ADPRS: variants seen among roughly 807,000 people sequenced by gnomAD.
ADPRS encodes ADP-ribosylhydrolase ARH3.
ADPRS carries 25 observed loss-of-function variants against 32.1 expected under a neutral mutation model. The observed-to-expected ratio is 0.78, with a 90% confidence interval of 0.57 to 1.09. The LOEUF (loss-of-function observed/expected upper bound fraction) is 1.09. ADPRS is among the 50% of genes least tolerant of loss of function. The pLI is 0.00. For missense variants in ADPRS, 482 were observed against 480.6 expected, an observed-to-expected ratio of 1.00 and a Z score of -0.03; for synonymous variants, 225 against 201.0, an observed-to-expected ratio of 1.12 and a Z score of -1.01.
At position 36,091,735 on chromosome 1, in the gene ADPRS, G is replaced by GT. The variant is rs1557733612; in HGVS notation, c.429dup (p.Asn144Ter). 2 of 1,613,788 alleles carry GT rather than the reference G, an allele frequency of 1.2e-6. No individual in the cohort carries two copies. Among genetic ancestry groups the GT allele is most frequent in the Non-Finnish European group, 1.7e-6 (2 of 1,179,868 alleles). On this transcript the variant is annotated frameshift_variant, in exon 3 of 6. Coordinates refer to ENST00000373178, the MANE Select transcript of ADPRS (RefSeq NM_017825.3). LOFTEE classifies it high-confidence loss of function. ...ATGTCTTTGAGCCTGCCCGGGCCCA[G>GT]TTTAACGGGAAAGGCTCCTATGGCA...
rs888263504 is a variant in ADPRS, at chr1:36,089,639, T to A, written c.211+524T>A. ...GCAAGGCGTGCTTTGGAAGCCTGAC[T>A]CTAATCGCGTCCTCCCCTGCCTAAA... On this transcript the variant is annotated intron_variant, in intron 1 of 5. Transcript: ENST00000373178. Among the ~76,000 whole-genome samples, 12 of 151,928 alleles carry A rather than the reference T, an allele frequency of 7.9e-5. No homozygotes were observed. In the Middle Eastern group the frequency reaches 0.01, roughly 129 times the overall value.
Position 36,093,701 on chromosome 1 carries a change from A to T in ADPRS, c.*315A>T, listed in dbSNP as rs776758365. 1 of 312,334 alleles carries T rather than the reference A, an allele frequency of 3.2e-6. No homozygotes were observed. The highest frequency in any genetic ancestry group is 6.0e-6 in the Non-Finnish European group (1 of 165,828). The allele number at this position is 312,334 out of a possible 1,614,324, so 19.3% of individuals were successfully genotyped here. On this transcript the variant is annotated 3_prime_UTR_variant, in exon 6 of 6. Coordinates refer to ENST00000373178, the MANE Select transcript of ADPRS (RefSeq NM_017825.3). The stretch of plus-strand genomic sequence containing the variant: ...GGCATTTTCCTGTATTGTCTTGGAC[A>T]TGGGATGTGGGGAGGTGGAAATGAT...
rs1643515072 is a variant in ADPRS, at chr1:36,093,494, T to A, written c.*108T>A. 1.3e-5 allele frequency: 18 copies of A among 1,417,850 alleles called. No homozygotes were observed. In the South Asian group the frequency reaches 2.4e-4, roughly 19 times the overall value. 87.8% of individuals were successfully genotyped at this position (1,417,850 alleles called of 1,614,324 possible). ...GTGGCTTCCCACTTTTCCTGCATTG[T>A]GGAGCTGACTGAGTACACCGGTGAG... On this transcript the variant is annotated 3_prime_UTR_variant, in exon 6 of 6. Coordinates refer to ENST00000373178, the MANE Select transcript of ADPRS (RefSeq NM_017825.3).
intron 1 of ADPRS, among the ~76,000 whole-genome samples, chr1:36,089,721 G>T (rs1643453440): frequency 6.6e-6 from 1 of 152,150 alleles, no homozygotes; most frequent in Non-Finnish European, 1.5e-5. Context: ...TAACGTGTCC[G>T]ACGTGGTCCG....
At chr1:36,090,087 A>C (rs1643458348) in intron 1 of ADPRS, among the ~76,000 whole-genome samples, 1 of 152,180 alleles carries the variant, frequency 6.6e-6, no homozygotes. Flanking sequence ...CTAGGAAAAG[A>C]ATTTCAAAAT....
At chr1:36,089,457 T>C (rs1358890985) in intron 1 of ADPRS, among the ~76,000 whole-genome samples, 1 of 152,174 alleles carries the variant, frequency 6.6e-6, no homozygotes, top group Non-Finnish European at 1.5e-5. Context: ...CCATCGGACG[T>C]CGAGGAGCCT....
chr1:36,089,133 C>G lies in ADPRS; in HGVS notation c.211+18C>G, dbSNP rs1557732346. The G allele has an allele frequency of 7.1e-7, 1 of 1,402,048 alleles. No homozygotes were observed. The highest frequency in any genetic ancestry group is 1.5e-5 in the African/African-American group (1 of 65,488). 86.9% of individuals were successfully genotyped at this position (1,402,048 alleles called of 1,614,324 possible). ...GCGGACAGGTGGGCGGGGCCGGGCG[C>G]AAGTCAGAGGCCGTGCGGGAGGGAG... On this transcript the variant is annotated intron_variant, in intron 1 of 5. Transcript: ENST00000373178.
At position 36,093,288 on chromosome 1, in the gene ADPRS, A is replaced by C. The variant is rs1442995825; in HGVS notation, c.994A>C (p.Met332Leu). 76 of 1,614,082 alleles carry C rather than the reference A, an allele frequency of 4.7e-5. No homozygotes were observed. The highest frequency in any genetic ancestry group is 5.8e-5 in the Non-Finnish European group (69 of 1,180,042). Reference protein sequence around the residue: ...AGAIAGAYYGMDQVPESWQQS... With the variant: ...AGAIAGAYYGLDQVPESWQQS... ...GGCCATTGCTGGTGCCTACTATGGG[A>C]TGGATCAGGTGCCAGAGAGCTGGCA... Residue 332 changes from methionine (M) to leucine (L), a missense_variant, in exon 6 of 6, where the codon ATG (methionine) becomes CTG (leucine). Met to Leu is a conservative substitution (Grantham distance 15, BLOSUM62 2). Transcript: ENST00000373178.
In ADPRS at chr1:36,091,718, G is replaced by T. The variant is rs1198643439; in HGVS notation, c.409G>T (p.Glu137Ter). The stretch of plus-strand genomic sequence containing the variant: ...GAACCCCAAATGTCGCGATGTCTTT[G>T]AGCCTGCCCGGGCCCAGTTTAACGG... ...LLNPKCRDVF[E>*]PARAQFNGKG... Residue 137 changes from glutamate to a stop codon, truncating the protein, a stop_gained, in exon 3 of 6, where the codon GAG (glutamate) becomes TAG (stop). Transcript: ENST00000373178. LOFTEE classifies it high-confidence loss of function. The T allele has an allele frequency of 6.2e-7, 1 of 1,613,948 alleles. No homozygotes were observed. The highest frequency in any genetic ancestry group is 1.1e-5 in the South Asian group (1 of 91,010).
rs1266275261 is a variant in ADPRS at position 36,093,515 on chromosome 1, G to T, written c.*129G>T. 1 of 1,258,554 alleles carries T rather than the reference G, an allele frequency of 7.9e-7. No homozygotes were observed. Among genetic ancestry groups the T allele is most frequent in the Non-Finnish European group, 1.1e-6 (1 of 919,726 alleles). The allele number at this position is 1,258,554 out of a possible 1,614,324, so 78.0% of individuals were successfully genotyped here. A position where few individuals can be genotyped will look rare whatever the true frequency, so the allele number is the denominator to read the frequency against. On this transcript the variant is annotated 3_prime_UTR_variant, in exon 6 of 6. Transcript: ENST00000373178. Reference sequence around the variant, plus strand: ...ATTGTGGAGCTGACTGAGTACACCGGTGAGGCTGGGGTCTCTGCAGGGGAG... The same window carrying T: ...ATTGTGGAGCTGACTGAGTACACCGTTGAGGCTGGGGTCTCTGCAGGGGAG...
At chr1:36,092,206 G>A (rs1474991437) in intron 4 of ADPRS, 112 bp downstream of exon 4, 3 of 1,394,362 alleles carry the variant, frequency 2.2e-6, no homozygotes, top group African/African-American at 1.5e-5. Flanking sequence ...GGAGGCATGG[G>A]CAGAAGCCCC....
Position 36,093,321 on chromosome 1 carries a change from T to C in ADPRS, c.1027T>C (p.Cys343Arg), listed in dbSNP as rs1643511870. 1 of 1,614,106 alleles carries C rather than the reference T, an allele frequency of 6.2e-7. No homozygotes were observed. The highest frequency in any genetic ancestry group is 8.5e-7 in the Non-Finnish European group (1 of 1,180,056). ...DQVPESWQQS[C>R]EGYEETDILA... Reference sequence around the variant, plus strand: ...GGTGCCAGAGAGCTGGCAGCAAAGCTGTGAAGGCTACGAGGAGACAGACAT... The same window carrying C: ...GGTGCCAGAGAGCTGGCAGCAAAGCCGTGAAGGCTACGAGGAGACAGACAT... Residue 343 changes from cysteine (C) to arginine (R), a missense_variant, in exon 6 of 6, where the codon TGT becomes CGT. Cys to Arg is a radical substitution (Grantham distance 180). Coordinates refer to ENST00000373178, the MANE Select transcript of ADPRS (RefSeq NM_017825.3).
Position 36,089,043 on chromosome 1 carries a change from G to A in ADPRS, c.139G>A (p.Asp47Asn), listed in dbSNP as rs752738366. The change falls in exon 1 of 6, where the codon GAC (aspartate) becomes AAC (asparagine). Residue 47 changes from aspartate to asparagine, a missense_variant. By Grantham distance (23) the Asp-to-Asn change is conservative (BLOSUM62 1). Coordinates refer to ENST00000373178, the MANE Select transcript of ADPRS (RefSeq NM_017825.3). ...GSFYEAHDTV[D>N]LTSVLRHVQS... ...CTTCTACGAGGCCCACGACACCGTC[G>A]ACCTGACGTCAGTCCTGCGTCATGT... 3 of 1,474,612 alleles carry A rather than the reference G, an allele frequency of 2.0e-6. No homozygotes were observed. In the East Asian group the frequency reaches 8.1e-5, roughly 40 times the overall value. The allele number at this position is 1,474,612 out of a possible 1,614,324, so 91.3% of individuals were successfully genotyped here. A position where few individuals can be genotyped will look rare whatever the true frequency, so the allele number is the denominator to read the frequency against.
chr1:36,089,988 C>T (rs905512739), intron 1 of ADPRS, among the ~76,000 whole-genome samples: 3 of 138,414 alleles, frequency 2.2e-5, no homozygotes, highest in Admixed American at 2.1e-4. Context: ...TGGAGAACAC[C>T]GGTAATTAAG....
rs1643441730 is a variant in ADPRS, at chr1:36,089,094, AC to A, written c.191del (p.Thr64SerfsTer27). ...CCAGAGTCTGGAGCCGGACCCCGGC[AC>A]GCCCGGGAGTGAGCGGACAGGTGGG... is the stretch of plus-strand genomic sequence containing the variant. ...HVQSLEPDPG[T>X]PGSERTEALY... On this transcript the variant is annotated frameshift_variant, in exon 1 of 6. Coordinates refer to ENST00000373178, the MANE Select transcript of ADPRS (RefSeq NM_017825.3). LOFTEE classifies it high-confidence loss of function. The A allele has an allele frequency of 4.2e-6, 6 of 1,430,794 alleles. No individual in the cohort carries two copies. The highest frequency in any genetic ancestry group is 5.5e-6 in the Non-Finnish European group (6 of 1,094,326). The allele number at this position is 1,430,794 out of a possible 1,614,324, so 88.6% of individuals were successfully genotyped here.
rs769460369 is a variant in ADPRS, at chr1:36,092,454, G to A, written c.734G>A (p.Arg245His). The part of the protein sequence containing the change: ...LGMEERPYSS[R>H]LKKIGELLDQ... ...ATGGAGGAGCGTCCATACTCCAGCC[G>A]CCTGAAGAAGATTGGAGAGCTTCTA... The change falls in exon 5 of 6, where the codon CGC becomes CAC. Residue 245 changes from arginine (R) to histidine (H), a missense_variant. Physicochemically the swap from Arg to His is conservative, Grantham distance 29. Transcript: ENST00000373178. The A allele has an allele frequency of 1.9e-6, 3 of 1,614,140 alleles. No individual in the cohort carries two copies. Among genetic ancestry groups the A allele is most frequent in the East Asian group, 4.5e-5 (2 of 44,882 alleles).
In ADPRS at chr1:36,091,649, AG is replaced by A. The variant is rs1643485086; in HGVS notation, c.344del (p.Gly115AlafsTer6). 1.9e-6 allele frequency: 3 copies of A among 1,609,122 alleles called. No homozygotes were observed. Among genetic ancestry groups the A allele is most frequent in the South Asian group, 2.2e-5 (2 of 90,690 alleles). ...FAQEYKKDPD[R>X]GYGAGVVTVF... ...TCAGGAGTACAAGAAAGACCCTGAC[AG>A]GGGCTATGGTGCTGGAGTAGTCACT... On this transcript the variant is annotated frameshift_variant, in exon 3 of 6. Transcript: ENST00000373178. LOFTEE classifies it high-confidence loss of function.
intron 1 of ADPRS, among the ~76,000 whole-genome samples, chr1:36,089,732 G>T (rs1234934270): frequency 6.6e-6 from 1 of 152,110 alleles, no homozygotes; most frequent in Non-Finnish European, 1.5e-5. Flanking sequence ...ACGTGGTCCG[G>T]CCCTCCCACA....
At position 36,092,183 on chromosome 1, in the gene ADPRS, T is replaced by C. The variant is rs938943407; in HGVS notation, c.701+89T>C. On this transcript the variant is annotated intron_variant, in intron 4 of 5. Transcript: ENST00000373178. ...GCCGCAAACTGTAAACCTTCCTCAA[T>C]TGCAGACCCTAGGGAGGCATGGGCA... The C allele has an allele frequency of 4.7e-6, 7 of 1,484,976 alleles. No homozygotes were observed. The East Asian group carries it at 7.0e-5, about 15-fold the overall frequency. 92.0% of individuals were successfully genotyped at this position (1,484,976 alleles called of 1,614,324 possible).
Sources: gnomAD v4.1 joint callset for allele counts (sites outside exome capture counted in the v4.1 genomes callset) on GRCh38, gnomAD v4.1.1 for gene constraint, MANE v1.5 for transcripts, NCBI Gene and HGNC (gene_info 2026-07-23, HGNC 2026-07-21) for gene names.